The following TMEM65 variants were observed in gnomAD, a reference collection of about 807,000 sequenced individuals.
TMEM65 encodes transmembrane protein 65.
TMEM65 carries 22 observed loss-of-function variants against 25.4 expected under a neutral mutation model. That is an observed-to-expected ratio of 0.86 (90% CI 0.62 to 1.23). The LOEUF (loss-of-function observed/expected upper bound fraction) is 1.23, where lower values mean the gene tolerates loss of function less well. Among genes scored for constraint, TMEM65 ranks in the 50% most tolerant of loss-of-function variants. TMEM65 has a pLI of 0.00. For synonymous variants in TMEM65, 132 were observed against 126.2 expected, an observed-to-expected ratio of 1.05 and a Z score of -0.31; for missense variants, 262 against 308.2, an observed-to-expected ratio of 0.85 and a Z score of 1.12.
intron 3 of TMEM65, among the ~76,000 whole-genome samples, chr8:124,325,148 G>A (rs917080320): frequency 6.6e-6 from 1 of 151,796 alleles, no homozygotes; most frequent in African/African-American, 2.4e-5. Context: ...TACAACTAGG[G>A]TGGGAAAGTA....
At chr8:124,361,956 T>C (rs1814870133) in intron 1 of TMEM65, among the ~76,000 whole-genome samples, 1 of 150,928 alleles carries the variant, frequency 6.6e-6, no homozygotes, top group African/African-American at 2.4e-5. Context: ...AACGACAGGA[T>C]CTCGGCTCAC....
At chr8:124,319,629 T>C (rs926367193) in intron 6 of TMEM65, among the ~76,000 whole-genome samples, 21 of 152,052 alleles carry the variant, frequency 1.4e-4, no homozygotes, top group Non-Finnish European at 1.3e-4. Context: ...GGCTTAGATC[T>C]AATAATAACC....
chr8:124,371,725 A>AGGCGAGGGGGGCGGAAGGGGGGC, intron 1 of TMEM65, 129 bp downstream of exon 1: 1 of 909,070 alleles, frequency 1.1e-6, no homozygotes, highest in Admixed American at 4.2e-5. Context: ...GGGGCCAGAC[A>AGGCGAGGGGGGCGGAAGGGGGGC]GGCGAGGGGG....
intron 1 of TMEM65, among the ~76,000 whole-genome samples, chr8:124,368,479 C>G (rs1265759243): frequency 6.6e-6 from 1 of 152,196 alleles, no homozygotes; most frequent in East Asian, 1.9e-4. Flanking sequence ...TGTGTCAGGA[C>G]AAAAGAGATG....
chr8:124,318,921 GCT>G (rs1814272627), intron 6 of TMEM65, among the ~76,000 whole-genome samples: 3 of 152,036 alleles, frequency 2.0e-5, no homozygotes, highest in African/African-American at 7.2e-5. Context: ...CTTCTACCTC[GCT>G]CTGTTTTCCC....
rs924851395 is a variant in TMEM65 at position 124,372,402 on chromosome 8, G to T, written c.-245C>A. 18 of 184,796 alleles carry T rather than the reference G, an allele frequency of 9.7e-5. No individual in the cohort carries two copies. Among genetic ancestry groups the T allele is most frequent in the East Asian group, 4.8e-4 (3 of 6,242 alleles). The allele number at this position is 184,796 out of a possible 1,614,324, so 11.4% of individuals were successfully genotyped here. A position where few individuals can be genotyped will look rare whatever the true frequency, so the allele number is the denominator to read the frequency against. ...CGATGGGAAAAACTTTCTCTGAGAC[G>T]GCCGGGCCCGGACAGCGCCCGGAGA... On this transcript the variant is annotated 5_prime_UTR_variant, in exon 1 of 7. Coordinates refer to ENST00000297632, the MANE Select transcript of TMEM65 (RefSeq NM_194291.3).
Position 124,351,710 on chromosome 8 carries a change from C to T in TMEM65, c.304+20144G>A, listed in dbSNP as rs143700655. Among the ~76,000 whole-genome samples, 5 of 152,254 alleles carry T rather than the reference C, an allele frequency of 3.3e-5. No individual in the cohort carries two copies. In the South Asian group the frequency reaches 8.3e-4, roughly 25 times the overall value. ...TTTGCCAGGGTCACTTCCCCTGAAACGGCTTCATCTTTTCACCACAACCTC... is the reference window on the plus strand; with the variant it reads ...TTTGCCAGGGTCACTTCCCCTGAAATGGCTTCATCTTTTCACCACAACCTC... On this transcript the variant is annotated intron_variant, in intron 1 of 6. Transcript: ENST00000297632.
Position 124,372,212 on chromosome 8 carries a change from C to A in TMEM65, c.-55G>T. ...CCGTCCGGCAAGGCGGTTTCTGGCG[C>A]GGCTGAGGCGAGAAGGAGCTGGGCT... On this transcript the variant is annotated 5_prime_UTR_variant, in exon 1 of 7. Transcript: ENST00000297632. The A allele has an allele frequency of 8.1e-7, 1 of 1,235,280 alleles. No individual in the cohort carries two copies. Among genetic ancestry groups the A allele is most frequent in the Non-Finnish European group, 1.0e-6 (1 of 981,398 alleles). 76.5% of individuals were successfully genotyped at this position (1,235,280 alleles called of 1,614,324 possible).
At chr8:124,340,642 T>C (rs1445026028) in intron 1 of TMEM65, among the ~76,000 whole-genome samples, 1 of 152,078 alleles carries the variant, frequency 6.6e-6, no homozygotes, top group Non-Finnish European at 1.5e-5. Flanking sequence ...CTTAAGATGA[T>C]GACTAGCTGT....
At chr8:124,334,231 A>C (rs914518232) in intron 1 of TMEM65, among the ~76,000 whole-genome samples, 2 of 152,206 alleles carry the variant, frequency 1.3e-5, no homozygotes, top group Non-Finnish European at 2.9e-5. Context: ...CTTCACAAAC[A>C]AGGAAAAAGA....
intron 1 of TMEM65, 150 bp downstream of exon 1, chr8:124,371,704 G>C (rs1815015588): frequency 2.6e-6 from 2 of 758,084 alleles, no homozygotes; most frequent in Non-Finnish European, 3.8e-6. Context: ...GCCCCCAGCC[G>C]TCCCAGGCGT....
At chr8:124,336,962 T>A (rs1814515912) in intron 1 of TMEM65, among the ~76,000 whole-genome samples, 1 of 151,768 alleles carries the variant, frequency 6.6e-6, no homozygotes, top group South Asian at 2.1e-4. Flanking sequence ...ATCCCACAGA[T>A]ATTAAAAAGA....
At position 124,320,132 on chromosome 8, in the gene TMEM65, G is replaced by T. The variant is rs1343411419; in HGVS notation, c.575C>A (p.Thr192Lys). The T allele has an allele frequency of 6.2e-7, 1 of 1,613,312 alleles. No individual in the cohort carries two copies. The highest frequency in any genetic ancestry group is 8.5e-7 in the Non-Finnish European group (1 of 1,179,474). Residue 192 changes from threonine (T) to lysine (K), a missense_variant, in exon 6 of 7, where the codon ACA becomes AAA. By Grantham distance (78) the Thr-to-Lys change is moderately conservative. Coordinates refer to ENST00000297632, the MANE Select transcript of TMEM65 (RefSeq NM_194291.3). ...SRLGLSIPDL[T>K]PKQVDMWQTR... The stretch of plus-strand genomic sequence containing the variant: ...TTGCCACATGTCAACTTGCTTTGGT[G>T]TGAGATCAGGAATTGACAGGCCTAA...
chr8:124,340,929 GACAA>G (rs145071842), intron 1 of TMEM65, among the ~76,000 whole-genome samples: 2,321 of 152,172 alleles, frequency 0.015, 24 homozygotes, highest in Middle Eastern at 0.048. Flanking sequence ...GTGCCACACT[GACAA>G]ACTGTGCTAT....
At position 124,314,859 on chromosome 8, in the gene TMEM65, G is replaced by A. The variant is rs147905510; in HGVS notation, c.622-798C>T. Reference sequence around the variant, plus strand: ...ACTTTTATTATTTTTTTTTTTTGTAGAGCCAGGGTCTCCCTATGTTGCCCA... The same window carrying A: ...ACTTTTATTATTTTTTTTTTTTGTAAAGCCAGGGTCTCCCTATGTTGCCCA... On this transcript the variant is annotated intron_variant, in intron 6 of 6. Coordinates refer to ENST00000297632, the MANE Select transcript of TMEM65 (RefSeq NM_194291.3). Among the ~76,000 whole-genome samples the A allele has an allele frequency of 5.7e-3, 861 of 149,816 alleles. 13 individuals are homozygous for A. Among genetic ancestry groups the A allele is most frequent in the African/African-American group, 0.02 (813 of 40,840 alleles).
At chr8:124,319,713 T>C (rs1486254875) in intron 6 of TMEM65, among the ~76,000 whole-genome samples, 2 of 152,126 alleles carry the variant, frequency 1.3e-5, no homozygotes, top group African/African-American at 2.4e-5. Context: ...TTATATCTTG[T>C]ACATAATTCA....
At chr8:124,322,234 G>T in intron 4 of TMEM65, 87 bp from the exon 5 acceptor site, 2 of 996,000 alleles carry the variant, frequency 2.0e-6, no homozygotes, top group Non-Finnish European at 2.9e-6. Context: ...TCTTGGAAGA[G>T]TTCTCATATT....
intron 1 of TMEM65, among the ~76,000 whole-genome samples, chr8:124,353,853 T>C (rs1002740310): frequency 6.6e-6 from 1 of 152,168 alleles, no homozygotes; most frequent in African/African-American, 2.4e-5. Context: ...CTAAAATGAA[T>C]GGGATATTTC....
At chr8:124,346,730 C>T (rs1814644355) in intron 1 of TMEM65, among the ~76,000 whole-genome samples, 1 of 152,084 alleles carries the variant, frequency 6.6e-6, no homozygotes, top group Non-Finnish European at 1.5e-5. Flanking sequence ...ATATCTTTCC[C>T]ACAAAAGTGC....
Sources: allele counts gnomAD v4.1 joint callset (sites outside exome capture counted in the v4.1 genomes callset), GRCh38; gene constraint gnomAD v4.1.1; transcripts MANE v1.5; gene names NCBI Gene and HGNC (gene_info 2026-07-23, HGNC 2026-07-21).